The following EMCN variants were observed in gnomAD, a reference collection of about 807,000 sequenced individuals.
EMCN encodes the protein endomucin.
Under a neutral mutation model 38.4 loss-of-function variants are expected in EMCN, and 37 were observed. The ratio of observed to expected loss-of-function variants is 0.96; its 90% CI spans 0.74 to 1.27. The LOEUF (loss-of-function observed/expected upper bound fraction) is 1.27, where lower values mean the gene tolerates loss of function less well. Ranked by LOEUF, EMCN falls within the 50% of genes most tolerant of loss-of-function variation. The probability of loss-of-function intolerance (pLI) is 0.00; values close to 1 mark genes in which losing one functional copy is unlikely to be tolerated. For missense variants in EMCN, 318 were observed against 302.8 expected, an observed-to-expected ratio of 1.05 and a Z score of -0.37; for synonymous variants, 95 against 100.8, an observed-to-expected ratio of 0.94 and a Z score of 0.35.
intron 4 of EMCN, among the ~76,000 whole-genome samples, chr4:100,452,524 T>C (rs1413062853): frequency 6.6e-6 from 1 of 152,070 alleles, no homozygotes; most frequent in East Asian, 1.9e-4. Context: ...AATCTTATTC[T>C]GCATTCTTGT....
At chr4:100,449,930 A>C (rs181325402) in intron 4 of EMCN, among the ~76,000 whole-genome samples, 201 of 152,130 alleles carry the variant, frequency 1.3e-3, no homozygotes, top group African/African-American at 4.7e-3. Context: ...GAAATCAAGA[A>C]AATATTTTAA....
intron 3 of EMCN, among the ~76,000 whole-genome samples, chr4:100,467,315 T>C (rs1728343037): frequency 1.3e-5 from 2 of 152,188 alleles, no homozygotes; most frequent in Non-Finnish European, 2.9e-5. Context: ...ACTTTACTAA[T>C]ATACAGAAAT....
intron 1 of EMCN, among the ~76,000 whole-genome samples, chr4:100,481,543 A>G (rs1013859787): frequency 1.3e-5 from 2 of 152,070 alleles, no homozygotes; most frequent in Non-Finnish European, 2.9e-5. Context: ...CTGGAGGTGC[A>G]CTTCACACCC....
rs754323290 is a variant in EMCN, at chr4:100,517,816, A to T, written c.64+35T>A. The T allele has an allele frequency of 3.7e-6, 6 of 1,605,108 alleles. No individual in the cohort carries two copies. In the African/African-American group the frequency reaches 8.0e-5, roughly 22 times the overall value. ...CTGAGTCACCTACTAGTGATTTCCAATCCGTACCACCAGAGGAATAAGAGA... is the reference window on the plus strand; with the variant it reads ...CTGAGTCACCTACTAGTGATTTCCATTCCGTACCACCAGAGGAATAAGAGA... On this transcript the variant is annotated intron_variant, in intron 1 of 11. Transcript: ENST00000296420.
At chr4:100,422,099 A>T (rs918422044) in intron 7 of EMCN, among the ~76,000 whole-genome samples, 2 of 152,026 alleles carry the variant, frequency 1.3e-5, no homozygotes, top group Non-Finnish European at 2.9e-5. Context: ...GCTGTCATAG[A>T]CACACAACTA....
chr4:100,473,382 T>TG (rs1307476117), intron 3 of EMCN, among the ~76,000 whole-genome samples: 1 of 119,820 alleles, frequency 8.3e-6, no homozygotes, highest in African/African-American at 3.2e-5. Context: ...TGTTTTTTTT[T>TG]TTTGTTTTTT....
At chr4:100,448,454 C>T (rs934549070) in intron 4 of EMCN, among the ~76,000 whole-genome samples, 9 of 152,078 alleles carry the variant, frequency 5.9e-5, no homozygotes, top group Admixed American at 2.6e-4. Flanking sequence ...TGGTTCAATA[C>T]GTGGTGCCAT....
At position 100,455,536 on chromosome 4, in the gene EMCN, A is replaced by AC. The variant is rs1203489026; in HGVS notation, c.377-7966_377-7965insG. ...TTTTTTTTTTTTTTCTTCCAGTACT[A>AC]AAAAGTTGTTTCATTGTTTTCTGGC... On this transcript the variant is annotated intron_variant, in intron 4 of 11. Coordinates refer to ENST00000296420, the MANE Select transcript of EMCN (RefSeq NM_016242.4). Among the ~76,000 whole-genome samples, 8 of 22,450 alleles carry AC rather than the reference A, an allele frequency of 3.6e-4. No homozygotes were observed. The East Asian group carries it at 6.6e-3, about 19-fold the overall frequency. 14.7% of individuals were successfully genotyped at this position (22,450 alleles called of 152,430 possible).
chr4:100,430,503 G>A (rs972919724), intron 5 of EMCN, among the ~76,000 whole-genome samples: 17 of 152,160 alleles, frequency 1.1e-4, no homozygotes, highest in African/African-American at 4.1e-4. Flanking sequence ...TAGAAACAAG[G>A]AGACAGGGAG....
At position 100,396,065 on chromosome 4, in the gene EMCN, A is replaced by C. The variant is rs1308442166; in HGVS notation, c.*2348T>G. 1 of 152,206 alleles carries C rather than the reference A, an allele frequency of 6.6e-6. No individual in the cohort carries two copies. Among genetic ancestry groups the C allele is most frequent in the African/African-American group, 2.4e-5 (1 of 41,450 alleles). The allele number at this position is 152,206 out of a possible 1,614,324, so 9.4% of individuals were successfully genotyped here. On this transcript the variant is annotated 3_prime_UTR_variant, in exon 12 of 12. Transcript: ENST00000296420. The stretch of plus-strand genomic sequence containing the variant: ...ATAAAAAGTAGATCATCTAAATCAG[A>C]TAATTAAAACATATTTGATTAATGG...
intron 4 of EMCN, among the ~76,000 whole-genome samples, chr4:100,451,269 A>G (rs1003007449): frequency 2.0e-5 from 3 of 151,942 alleles, no homozygotes; most frequent in Admixed American, 2.0e-4. Flanking sequence ...AAATAATAGC[A>G]CAGATGATAT....
chr4:100,462,840 C>T (rs141806990), intron 4 of EMCN, among the ~76,000 whole-genome samples: 11 of 152,186 alleles, frequency 7.2e-5, no homozygotes, highest in Non-Finnish European at 1.5e-4. Context: ...AGGCAAACTT[C>T]TGTATGTTGT....
intron 2 of EMCN, among the ~76,000 whole-genome samples, chr4:100,476,424 C>T (rs944571893): frequency 9.9e-5 from 15 of 152,090 alleles, no homozygotes; most frequent in African/African-American, 3.6e-4. Context: ...GCTGAGATTA[C>T]AGGTGTGAGC....
At chr4:100,473,775 G>T in intron 3 of EMCN, 1 of 152,560 alleles carries the variant, frequency 6.6e-6, no homozygotes, top group South Asian at 1.9e-4. Flanking sequence ...TTGGAAAGCT[G>T]GGAAAATCTC....
chr4:100,496,164 G>A lies in EMCN; in HGVS notation c.65-16125C>T, dbSNP rs538694755. On this transcript the variant is annotated intron_variant, in intron 1 of 11. Transcript: ENST00000296420. ...GATAGAGGGTCACTTTAAAATCTGG[G>A]AATATTGCCCATGTTCTTGGCATTT... Among the ~76,000 whole-genome samples, 6 of 152,130 alleles carry A rather than the reference G, an allele frequency of 3.9e-5. No individual in the cohort carries two copies. The South Asian group carries it at 1.2e-3, about 32-fold the overall frequency.
intron 5 of EMCN, among the ~76,000 whole-genome samples, chr4:100,437,767 C>A (rs34312222): frequency 0.28 from 41,938 of 151,992 alleles, 7,413 homozygotes; most frequent in Non-Finnish European, 0.4. Flanking sequence ...GTCTATGTGT[C>A]TGTTTTTATG....
intron 1 of EMCN, among the ~76,000 whole-genome samples, chr4:100,508,709 G>T (rs1043814067): frequency 2.0e-5 from 3 of 152,120 alleles, no homozygotes; most frequent in African/African-American, 4.8e-5. Flanking sequence ...GATCTAAATG[G>T]TTCAGAATTA....
intron 4 of EMCN, among the ~76,000 whole-genome samples, chr4:100,453,125 T>G (rs1458063247): frequency 6.6e-6 from 1 of 151,998 alleles, no homozygotes; most frequent in Non-Finnish European, 1.5e-5. Flanking sequence ...GGACTTCCTC[T>G]CTAAAACACC....
chr4:100,436,880 C>T (rs1346798966), intron 5 of EMCN, among the ~76,000 whole-genome samples: 6 of 151,898 alleles, frequency 4.0e-5, no homozygotes, highest in South Asian at 2.1e-4. Flanking sequence ...GAGAGGTGTG[C>T]GGGGGAAGAG....
Sources: allele counts gnomAD v4.1 joint callset (sites outside exome capture counted in the v4.1 genomes callset), GRCh38; gene constraint gnomAD v4.1.1; transcripts MANE v1.5; gene names NCBI Gene and HGNC (gene_info 2026-07-23, HGNC 2026-07-21).